The following TENM1 variants were observed in gnomAD, a reference collection of about 807,000 sequenced individuals.
TENM1 encodes the protein teneurin-1.
In TENM1, 35 loss-of-function variants were observed where a neutral mutation model predicts 174.8. The observed-to-expected ratio is 0.20, with a 90% CI of 0.15 to 0.27. The LOEUF is 0.27. Ranked by LOEUF, TENM1 falls within the 10% of genes least tolerant of loss-of-function variation. The pLI is 1.00. For missense variants in TENM1, 1,633 were observed against 2,130.1 expected, an observed-to-expected ratio of 0.77 and a Z score of 4.59; for synonymous variants, 781 against 798.7, an observed-to-expected ratio of 0.98 and a Z score of 0.37.
rs191121772 is a variant in TENM1 at position 124,877,198 on chromosome X, A to G, written c.535+17098T>C. 2.0e-3 allele frequency among the ~76,000 whole-genome samples: 229 copies of G among 112,503 alleles called. 1 individual carries two copies. Among genetic ancestry groups the G allele is most frequent in the African/African-American group, 6.7e-3 (209 of 31,098 alleles). On this transcript the variant is annotated intron_variant, in intron 3 of 31. Transcript: ENST00000422452. Reference sequence around the variant, plus strand: ...CATTCAGAGAAAGAATATTTGTTCAATTAACGCACTGCAGATCTTCAGATT... The same window carrying G: ...CATTCAGAGAAAGAATATTTGTTCAGTTAACGCACTGCAGATCTTCAGATT...
At chrX:124,431,614 A>C (rs1169616296) in intron 23 of TENM1, among the ~76,000 whole-genome samples, 3 of 112,275 alleles carry the variant, frequency 2.7e-5, no homozygotes, top group Non-Finnish European at 5.6e-5. Context: ...GCTTCTTCAA[A>C]TGTATAAAAG....
the TENM1 span, among the ~76,000 whole-genome samples, chrX:125,119,938 C>T: frequency 9.0e-6 from 1 of 111,574 alleles, no homozygotes; most frequent in Non-Finnish European, 1.9e-5. Flanking sequence ...ATGTACTAAA[C>T]TCAACCAAAT....
intron 11 of TENM1, among the ~76,000 whole-genome samples, chrX:124,569,681 T>C (rs1237126443): frequency 1.8e-5 from 2 of 111,091 alleles, no homozygotes; most frequent in African/African-American, 6.5e-5. Flanking sequence ...TAAGACATCA[T>C]CATGAAAATT....
chrX:124,751,337 T>G (rs1245384676), intron 3 of TENM1, among the ~76,000 whole-genome samples: 1 of 111,921 alleles, frequency 8.9e-6, no homozygotes, highest in African/African-American at 3.3e-5. Context: ...TCTTAAACTA[T>G]GAGTCACATG....
At chrX:125,030,067 C>A in the TENM1 span, among the ~76,000 whole-genome samples, 1 of 112,074 alleles carries the variant, frequency 8.9e-6, no homozygotes, top group African/African-American at 3.2e-5. Context: ...TTATCTGTTA[C>A]TTTTTAGCTA....
At chrX:124,524,814 G>A (rs931976341) in intron 16 of TENM1, among the ~76,000 whole-genome samples, 1 of 111,414 alleles carries the variant, frequency 9.0e-6, no homozygotes, top group African/African-American at 3.3e-5. Flanking sequence ...GTATAATGAC[G>A]TCTTTGAGAT....
intron 11 of TENM1, among the ~76,000 whole-genome samples, chrX:124,623,562 C>T (rs1190868306): frequency 9.0e-6 from 1 of 111,141 alleles, no homozygotes; most frequent in African/African-American, 3.3e-5. Context: ...GAAGCACCTC[C>T]CAACTGTATC....
At chrX:125,001,611 T>C in the TENM1 span, among the ~76,000 whole-genome samples, 1 of 110,482 alleles carries the variant, frequency 9.1e-6, no homozygotes, top group Non-Finnish European at 1.9e-5. Context: ...AGATAAAATA[T>C]GTCCATAAAA....
chrX:124,824,825 T>C (rs1471774719), intron 3 of TENM1, among the ~76,000 whole-genome samples: 1 of 111,791 alleles, frequency 8.9e-6, no homozygotes, highest in Non-Finnish European at 1.9e-5. Flanking sequence ...GTAGTACTAC[T>C]AATGTGCAAT....
At chrX:124,805,148 T>G (rs1231195647) in intron 3 of TENM1, among the ~76,000 whole-genome samples, 1 of 111,885 alleles carries the variant, frequency 8.9e-6, no homozygotes, top group Non-Finnish European at 1.9e-5. Flanking sequence ...TAGTAAGAGC[T>G]GGGACAGGAA....
At chrX:124,749,244 C>T (rs981767605) in intron 3 of TENM1, among the ~76,000 whole-genome samples, 3 of 111,543 alleles carry the variant, frequency 2.7e-5, no homozygotes, top group Non-Finnish European at 5.7e-5. Context: ...GTTTCTTTCA[C>T]TTCAGATAAT....
intron 11 of TENM1, among the ~76,000 whole-genome samples, chrX:124,634,036 T>A (rs990778931): frequency 1.8e-5 from 2 of 112,049 alleles, no homozygotes; most frequent in African/African-American, 6.5e-5. Flanking sequence ...TTAATGTTTA[T>A]CTTTTATTTT....
intron 18 of TENM1, among the ~76,000 whole-genome samples, chrX:124,510,917 G>T (rs142612083): frequency 9.0e-6 from 1 of 111,675 alleles, no homozygotes; most frequent in East Asian, 2.8e-4. Context: ...AAACGAAAAC[G>T]CTGGTTGACT....
intron 11 of TENM1, among the ~76,000 whole-genome samples, chrX:124,602,422 C>G (rs2050050575): frequency 9.0e-6 from 1 of 110,869 alleles, no homozygotes; most frequent in Non-Finnish European, 1.9e-5. Context: ...CCTGTATTAT[C>G]TTCCTCACCA....
chrX:124,397,875 G>A (rs1337291921), intron 27 of TENM1, among the ~76,000 whole-genome samples: 6 of 108,823 alleles, frequency 5.5e-5, no homozygotes, highest in African/African-American at 2.0e-4. Context: ...TTACAGGTGT[G>A]AGCCACCGTG....
the TENM1 span, among the ~76,000 whole-genome samples, chrX:125,042,113 G>A: frequency 9.0e-6 from 1 of 111,407 alleles, no homozygotes; most frequent in Non-Finnish European, 1.9e-5. Context: ...TTATTCAACA[G>A]CTTTAAGTAT....
chrX:124,593,778 C>A (rs960280538), intron 11 of TENM1, among the ~76,000 whole-genome samples: 1 of 111,921 alleles, frequency 8.9e-6, no homozygotes, highest in African/African-American at 3.2e-5. Flanking sequence ...GCCCTGGCTG[C>A]AAATCTCACT....
At chrX:125,183,877 T>C in the TENM1 span, among the ~76,000 whole-genome samples, 1 of 112,060 alleles carries the variant, frequency 8.9e-6, no homozygotes, top group Non-Finnish European at 1.9e-5. Flanking sequence ...TGATTCCGTA[T>C]TGCATATCTG....
the TENM1 span, among the ~76,000 whole-genome samples, chrX:125,007,594 AG>A: frequency 9.0e-6 from 1 of 111,349 alleles, no homozygotes; most frequent in African/African-American, 3.3e-5. Flanking sequence ...AGATTTTCCA[AG>A]GTTGAAATGA....
Sources: gnomAD v4.1 joint callset for allele counts (sites outside exome capture counted in the v4.1 genomes callset) on GRCh38, gnomAD v4.1.1 for gene constraint, MANE v1.5 for transcripts, NCBI Gene and HGNC (gene_info 2026-07-23, HGNC 2026-07-21) for gene names.